The following SGCZ variants were observed in gnomAD, a reference collection of about 807,000 sequenced individuals.
SGCZ encodes zeta-sarcoglycan.
Under a neutral mutation model 41.3 loss-of-function variants are expected in SGCZ, and 40 were observed. The ratio of observed to expected loss-of-function variants is 0.97; its 90% CI spans 0.75 to 1.26. The LOEUF (loss-of-function observed/expected upper bound fraction) is 1.26, where lower values mean the gene tolerates loss of function less well. Ranked by LOEUF, SGCZ falls within the 50% of genes most tolerant of loss-of-function variation. The pLI is 0.00. For synonymous variants in SGCZ, 206 were observed against 137.5 expected (o/e 1.50, Z -3.49); for missense variants, 552 against 369.8 (o/e 1.49, Z -4.04).
intron 2 of SGCZ, among the ~76,000 whole-genome samples, chr8:14,458,984 C>T (rs1249312845): frequency 6.6e-6 from 1 of 152,132 alleles, no homozygotes; most frequent in Non-Finnish European, 1.5e-5. Flanking sequence ...TAGTGGCCAA[C>T]TTGACAGAGA....
intron 1 of SGCZ, among the ~76,000 whole-genome samples, chr8:14,942,129 A>G (rs1175080956): frequency 2.6e-5 from 4 of 151,980 alleles, no homozygotes; most frequent in Non-Finnish European, 5.9e-5. Flanking sequence ...TTAGACTAGT[A>G]TGCATTGTCT....
chr8:15,211,356 T>A (rs1422658822), intron 1 of SGCZ, among the ~76,000 whole-genome samples: 26 of 152,074 alleles, frequency 1.7e-4, no homozygotes, highest in Admixed American at 1.7e-3. Context: ...CTCCTTTACC[T>A]TTCCCAATGT....
At chr8:14,783,980 T>C (rs961688367) in intron 1 of SGCZ, among the ~76,000 whole-genome samples, 5 of 152,140 alleles carry the variant, frequency 3.3e-5, no homozygotes, top group South Asian at 2.1e-4. Context: ...ATTTCACATA[T>C]GAGAGTTCTT....
intron 1 of SGCZ, among the ~76,000 whole-genome samples, chr8:14,866,839 A>T (rs1255450187): frequency 2.0e-5 from 3 of 152,158 alleles, no homozygotes; most frequent in Non-Finnish European, 4.4e-5. Context: ...TGTTTGTCTC[A>T]AAAAGAAACT....
intron 1 of SGCZ, among the ~76,000 whole-genome samples, chr8:14,895,013 C>A (rs965618717): frequency 9.9e-5 from 15 of 152,030 alleles, no homozygotes; most frequent in African/African-American, 3.4e-4. Context: ...TTTGGGGGTC[C>A]AGGGTAATAA....
intron 1 of SGCZ, among the ~76,000 whole-genome samples, chr8:15,064,268 T>C (rs1206514228): frequency 6.6e-6 from 1 of 152,164 alleles, no homozygotes; most frequent in Non-Finnish European, 1.5e-5. Context: ...GAAGCAGAAT[T>C]CATCACTTAC....
At chr8:14,984,316 A>G (rs1801761344) in intron 1 of SGCZ, among the ~76,000 whole-genome samples, 1 of 152,218 alleles carries the variant, frequency 6.6e-6, no homozygotes, top group Non-Finnish European at 1.5e-5. Context: ...ATTATTATAC[A>G]TAGAACCATA....
In SGCZ at chr8:14,199,435, G is replaced by GCCTCCATTTAAT. The variant is rs1805383963; in HGVS notation, c.425-34734_425-34733insATTAAATGGAGG. Among the ~76,000 whole-genome samples, 17 of 152,124 alleles carry GCCTCCATTTAAT rather than the reference G, an allele frequency of 1.1e-4. No homozygotes were observed. The South Asian group carries it at 3.5e-3, about 32-fold the overall frequency. On this transcript the variant is annotated intron_variant, in intron 4 of 7. Coordinates refer to ENST00000382080, the MANE Select transcript of SGCZ (RefSeq NM_139167.4). ...TCATTAGTAATTTTAATTTCGCCCT[G>GCCTCCATTTAAT]GTCCTTTGGTCCTGTGATCTCGCCC...
chr8:14,596,371 A>G (rs1447850042), intron 1 of SGCZ, among the ~76,000 whole-genome samples: 2 of 152,148 alleles, frequency 1.3e-5, no homozygotes, highest in Non-Finnish European at 2.9e-5. Flanking sequence ...CTTGAATCTT[A>G]AAATATTTGA....
At chr8:14,663,263 AC>A (rs1472918064) in intron 1 of SGCZ, among the ~76,000 whole-genome samples, 1 of 152,186 alleles carries the variant, frequency 6.6e-6, no homozygotes, top group Non-Finnish European at 1.5e-5. Context: ...TCACAAAAAA[AC>A]CTAGCACATT....
At chr8:14,821,896 T>G (rs1399357495) in intron 1 of SGCZ, among the ~76,000 whole-genome samples, 2 of 152,072 alleles carry the variant, frequency 1.3e-5, no homozygotes, top group Admixed American at 1.3e-4. Flanking sequence ...ACTCTAAAAT[T>G]AGGAACTAGA....
At chr8:14,585,970 G>A (rs940337349) in intron 1 of SGCZ, among the ~76,000 whole-genome samples, 1 of 152,082 alleles carries the variant, frequency 6.6e-6, no homozygotes, top group East Asian at 1.9e-4. Flanking sequence ...TCACCTGGTG[G>A]CATTATATCT....
intron 2 of SGCZ, among the ~76,000 whole-genome samples, chr8:14,389,247 G>C (rs893608024): frequency 4.6e-5 from 7 of 151,774 alleles, no homozygotes; most frequent in African/African-American, 1.7e-4. Context: ...ACGACTGAGA[G>C]TATAATTTGA....
At chr8:14,399,303 A>T (rs1799006230) in intron 2 of SGCZ, among the ~76,000 whole-genome samples, 1 of 152,086 alleles carries the variant, frequency 6.6e-6, no homozygotes, top group Non-Finnish European at 1.5e-5. Flanking sequence ...ATGACTAGTA[A>T]ATCCAATTTC....
At chr8:14,742,159 T>C (rs760113903) in intron 1 of SGCZ, among the ~76,000 whole-genome samples, 4 of 152,016 alleles carry the variant, frequency 2.6e-5, no homozygotes, top group East Asian at 1.9e-4. Context: ...TTATATACCA[T>C]GCTAACAATC....
At chr8:14,288,877 T>A (rs748008702) in intron 3 of SGCZ, among the ~76,000 whole-genome samples, 1 of 152,178 alleles carries the variant, frequency 6.6e-6, no homozygotes, top group Admixed American at 6.6e-5. Context: ...GGGGCTGTCC[T>A]ATTTTACATT....
At chr8:14,389,320 A>G (rs904483054) in intron 2 of SGCZ, among the ~76,000 whole-genome samples, 5 of 151,880 alleles carry the variant, frequency 3.3e-5, no homozygotes, top group African/African-American at 1.2e-4. Flanking sequence ...AATAACATGT[A>G]AGAATTTTTC....
intron 2 of SGCZ, among the ~76,000 whole-genome samples, chr8:14,346,648 T>C (rs555182251): frequency 6.6e-6 from 1 of 152,198 alleles, no homozygotes; most frequent in South Asian, 2.1e-4. Flanking sequence ...TGGAAAGTTT[T>C]ACAATAAAAC....
At chr8:14,133,264 T>A (rs1389997238) in intron 5 of SGCZ, among the ~76,000 whole-genome samples, 1 of 152,192 alleles carries the variant, frequency 6.6e-6, no homozygotes, top group Admixed American at 6.5e-5. Context: ...CCCAGAGAAA[T>A]TCTCCACAAT....
Sources: allele counts gnomAD v4.1 joint callset (sites outside exome capture counted in the v4.1 genomes callset), GRCh38; gene constraint gnomAD v4.1.1; transcripts MANE v1.5; gene names NCBI Gene and HGNC (gene_info 2026-07-23, HGNC 2026-07-21).